Variants in EDC3 observed in about 807,000 individuals in gnomAD.
The protein encoded by EDC3 is enhancer of mRNA decapping 3.
EDC3 carries 20 observed loss-of-function variants against 41.8 expected under a neutral mutation model. The observed-to-expected ratio is 0.48, with a 90% CI of 0.34 to 0.70. The LOEUF is 0.70. Among genes scored for constraint, EDC3 ranks in the 30% least tolerant of loss-of-function variants. EDC3 has a pLI of 0.01. For synonymous variants in EDC3, 206 were observed against 243.2 expected (o/e 0.85, Z 1.42); for missense variants, 444 against 636.8 (o/e 0.70, Z 3.26).
intron 1 of EDC3, among the ~76,000 whole-genome samples, chr15:74,676,068 C>T (rs999276942): frequency 6.6e-6 from 1 of 152,016 alleles, no homozygotes; most frequent in East Asian, 1.9e-4. Flanking sequence ...CTACCCACAA[C>T]AGAATTAAAT....
At chr15:74,643,946 A>T (rs1240643906) in intron 4 of EDC3, 1 of 151,876 alleles carries the variant, frequency 6.6e-6, no homozygotes, top group Admixed American at 6.6e-5. Context: ...AGTCAACAAA[A>T]CTGAGTGCTG....
At chr15:74,650,933 G>A (rs1250561247) in intron 4 of EDC3, among the ~76,000 whole-genome samples, 2 of 152,166 alleles carry the variant, frequency 1.3e-5, no homozygotes, top group South Asian at 4.1e-4. Context: ...AGTAGGTGGA[G>A]GTTGCAGTGA....
At chr15:74,681,069 T>C (rs1321190474) in intron 1 of EDC3, among the ~76,000 whole-genome samples, 1 of 152,182 alleles carries the variant, frequency 6.6e-6, no homozygotes, top group Admixed American at 6.5e-5. Flanking sequence ...ATCAATGCAA[T>C]TCTTATCAAA....
At position 74,632,627 on chromosome 15, in the gene EDC3, T is replaced by A; in HGVS notation, c.1512A>T (p.Pro504=). 6.2e-7 allele frequency: 1 copy of A among 1,613,808 alleles called. No individual in the cohort carries two copies. ...HSPFGCKFVI[P]LHSA is the part of the protein sequence containing the mutation. Reference sequence around the variant, plus strand: ...CAGGAACCCTCTAAGCAGAGTGCAGTGGGATAACAAACTTGCAGCCAAAGG... The same window carrying A: ...CAGGAACCCTCTAAGCAGAGTGCAGAGGGATAACAAACTTGCAGCCAAAGG... The change falls in exon 7 of 7, where the codon CCA becomes CCT. Residue 504 remains proline (P), a synonymous_variant. Transcript: ENST00000315127. This position sits in a 1 kb window ranked among gnomAD's most constrained non-coding sequence, Gnocchi z 4.0.
chr15:74,671,560 C>G lies in EDC3; in HGVS notation c.379G>C (p.Asp127His), dbSNP rs1253554326. The change falls in exon 3 of 7, where the codon GAT becomes CAT. Residue 127 changes from aspartate (D) to histidine (H), a missense_variant. This residue lies in a region of EDC3 where 200 missense variants were observed against 244.0 expected (regional missense o/e 0.82). Coordinates refer to ENST00000315127, the MANE Select transcript of EDC3 (RefSeq NM_025083.5). The surrounding 1 kb of genome is among the most constrained non-coding windows in gnomAD (Gnocchi z 4.6). ...IPKRTDVKSQ[D>H]VAVSPQQQQC... ...TGCTGCTGCGGGGAAACGGCAACAT[C>G]CTGGCTCTTCACATCTGTCCTCTTA... The G allele has an allele frequency of 6.2e-7, 1 of 1,614,076 alleles. No individual in the cohort carries two copies. The highest frequency in any genetic ancestry group is 1.1e-5 in the South Asian group (1 of 91,088).
chr15:74,632,902 A>G lies in EDC3; in HGVS notation c.1237T>C (p.Cys413Arg), dbSNP rs2062229711. ...TCGCGCAGGAAGACGTTCTCAGGGC[A>G]ATCCAGGCAGTTGATGACCAGGTCC... Reference protein sequence around the residue: ...PVDLVINCLDCPENVFLRDQP... With the variant: ...PVDLVINCLDRPENVFLRDQP... Residue 413 changes from cysteine to arginine, a missense_variant, in exon 7 of 7, where the codon TGC (cysteine) becomes CGC (arginine). Coordinates refer to ENST00000315127, the MANE Select transcript of EDC3 (RefSeq NM_025083.5). The surrounding 1 kb of genome is among the most constrained non-coding windows in gnomAD (Gnocchi z 4.0). The G allele has an allele frequency of 6.2e-7, 1 of 1,614,204 alleles. No individual in the cohort carries two copies. The highest frequency in any genetic ancestry group is 8.5e-7 in the Non-Finnish European group (1 of 1,180,022).
chr15:74,640,449 A>C lies in EDC3; in HGVS notation c.974+17T>G, dbSNP rs1015338875. The C allele has an allele frequency of 2.5e-6, 4 of 1,612,772 alleles. No homozygotes were observed. The African/African-American group carries it at 5.3e-5, about 22-fold the overall frequency. On this transcript the variant is annotated intron_variant, in intron 5 of 6. Coordinates refer to ENST00000315127, the MANE Select transcript of EDC3 (RefSeq NM_025083.5). ...CCTTACTCCACATTGAGTCCCTGCCAGTTTATAGACATTTACCTGTTAGGT... is the reference window on the plus strand; with the variant it reads ...CCTTACTCCACATTGAGTCCCTGCCCGTTTATAGACATTTACCTGTTAGGT...
At chr15:74,677,533 TTTG>T (rs1183536329) in intron 1 of EDC3, among the ~76,000 whole-genome samples, 3 of 151,902 alleles carry the variant, frequency 2.0e-5, no homozygotes, top group Admixed American at 6.6e-5. Flanking sequence ...CCAGCTAATT[TTTG>T]TTGTTGTTTT....
At chr15:74,681,973 C>T (rs1330110232) in intron 1 of EDC3, among the ~76,000 whole-genome samples, 1 of 152,094 alleles carries the variant, frequency 6.6e-6, no homozygotes, top group Non-Finnish European at 1.5e-5. Flanking sequence ...ACTTGCAAAC[C>T]ACCTATCTGA....
chr15:74,645,971 T>C (rs2062411742), intron 4 of EDC3, among the ~76,000 whole-genome samples: 1 of 151,672 alleles, frequency 6.6e-6, no homozygotes, highest in Non-Finnish European at 1.5e-5. Context: ...AGCAAGTCAG[T>C]GGTGAAGTGG....
rs767052992 is a variant in EDC3, at chr15:74,655,756, T to C, written c.797A>G (p.Asn266Ser). 1.8e-5 allele frequency: 29 copies of C among 1,611,998 alleles called. No individual in the cohort carries two copies. The South Asian group carries it at 2.2e-4, about 12-fold the overall frequency. ...ACCCGTGCAGAACTCCTTGCTCACGTTGTGGGGCACTATGATCCGTCGATA... is the reference window on the plus strand; with the variant it reads ...ACCCGTGCAGAACTCCTTGCTCACGCTGTGGGGCACTATGATCCGTCGATA... ...IVYRRIIVPH[N>S]VSKEFCTDSG... The change falls in exon 4 of 7, where the codon AAC becomes AGC. Residue 266 changes from asparagine (N) to serine (S), a missense_variant. Asn to Ser is a conservative substitution (Grantham distance 46, BLOSUM62 1). Around this residue, in one of 3 missense-constraint regions of EDC3, gnomAD observed 242 missense variants for 363.8 expected, o/e 0.67. Transcript: ENST00000315127.
intron 1 of EDC3, among the ~76,000 whole-genome samples, chr15:74,690,297 T>C (rs2062991457): frequency 6.6e-6 from 1 of 152,268 alleles, no homozygotes; most frequent in Admixed American, 6.5e-5. Flanking sequence ...TCCAGACTAC[T>C]GAATGCCAGA....
intron 1 of EDC3, chr15:74,676,830 C>T (rs559942621): frequency 2.6e-5 from 4 of 152,260 alleles, no homozygotes; most frequent in Admixed American, 2.6e-4. Context: ...CAAAAGGATA[C>T]TTCACCAAAG....
At chr15:74,640,337 G>C in intron 5 of EDC3, 129 bp downstream of exon 5, 1 of 1,070,508 alleles carries the variant, frequency 9.3e-7, no homozygotes, top group South Asian at 1.6e-5. Flanking sequence ...TGACTTCAGA[G>C]AGACACTCCC....
At chr15:74,641,349 T>C (rs1184954552) in intron 4 of EDC3, 1 of 152,382 alleles carries the variant, frequency 6.6e-6, no homozygotes, top group African/African-American at 2.4e-5. Context: ...TGGGGAGAAT[T>C]AGTCACTGAA....
Position 74,632,719 on chromosome 15 carries a change from T to TA in EDC3, c.1419dup (p.Ile474TyrfsTer66), listed in dbSNP as rs2062226369. On this transcript the variant is annotated frameshift_variant, in exon 7 of 7. Transcript: ENST00000315127. LOFTEE classifies it high-confidence loss of function. This position sits in a 1 kb window ranked among gnomAD's most constrained non-coding sequence, Gnocchi z 4.0. ...GGAATGCCAATGTCGCACAAATAGA[T>TA]ACGGCCTGCGTGCTCCCCCAGTGGC... is the stretch of plus-strand genomic sequence containing the variant. 6.2e-7 allele frequency: 1 copy of TA among 1,614,084 alleles called. No individual in the cohort carries two copies. Among genetic ancestry groups the TA allele is most frequent in the Non-Finnish European group, 8.5e-7 (1 of 1,180,000 alleles).
chr15:74,661,087 C>T (rs900237659), intron 3 of EDC3, among the ~76,000 whole-genome samples: 3 of 152,078 alleles, frequency 2.0e-5, no homozygotes, highest in South Asian at 2.1e-4. Flanking sequence ...CTAAAGCATA[C>T]GAAAATGAGT....
At chr15:74,634,836 A>T (rs1352037066) in intron 6 of EDC3, among the ~76,000 whole-genome samples, 2 of 152,108 alleles carry the variant, frequency 1.3e-5, no homozygotes, top group Admixed American at 1.3e-4. Context: ...CTCAAACAGC[A>T]CCCAGAATGA....
rs943424526 is a variant in EDC3 at position 74,630,802 on chromosome 15, G to C, written c.*1810C>G. ...CTGGGGAGAGAAGAGGGAGAAGCTT[G>C]GGCACAAACTCCCAGTGGCCCTGCA... On this transcript the variant is annotated 3_prime_UTR_variant, in exon 7 of 7. Coordinates refer to ENST00000315127, the MANE Select transcript of EDC3 (RefSeq NM_025083.5). 6.6e-6 allele frequency: 1 copy of C among 152,330 alleles called. No homozygotes were observed. The highest frequency in any genetic ancestry group is 1.9e-4 in the East Asian group (1 of 5,200). 9.4% of individuals were successfully genotyped at this position (152,330 alleles called of 1,614,324 possible).
Sources: gnomAD v4.1 joint callset for allele counts (sites outside exome capture counted in the v4.1 genomes callset) on GRCh38, gnomAD v4.1.1 for gene constraint, gnomAD v4.1.1 regional missense constraint, Gnocchi (gnomAD v3.1) non-coding constraint, MANE v1.5 for transcripts, NCBI Gene and HGNC (gene_info 2026-07-23, HGNC 2026-07-21) for gene names.